The following CSMD1 variants were observed in gnomAD, a reference collection of about 807,000 sequenced individuals.
CSMD1 encodes CUB and sushi domain-containing protein 1.
CSMD1 carries 213 observed loss-of-function variants against 417.5 expected under a neutral mutation model. The observed-to-expected ratio is 0.51, with a 90% CI of 0.46 to 0.57. The LOEUF is 0.57. Ranked by LOEUF, CSMD1 falls within the 20% of genes least tolerant of loss-of-function variation. The pLI is 0.00. For synonymous variants in CSMD1, 2,862 were observed against 1,736.8 expected, an observed-to-expected ratio of 1.65 and a Z score of -16.11; for missense variants, 6,923 against 4,529.7, an observed-to-expected ratio of 1.53 and a Z score of -15.17.
At chr8:3,088,978 A>G (rs949734458) in intron 48 of CSMD1, among the ~76,000 whole-genome samples, 17 of 152,206 alleles carry the variant, frequency 1.1e-4, no homozygotes, top group Admixed American at 7.2e-4. Context: ...ACAGATTCCA[A>G]TAAGGCTCCG....
At chr8:3,802,453 G>C (rs1358037270) in intron 5 of CSMD1, among the ~76,000 whole-genome samples, 14 of 152,026 alleles carry the variant, frequency 9.2e-5, no homozygotes, top group Admixed American at 9.2e-4. Flanking sequence ...TATTAAATTT[G>C]TCAGCCTGAT....
At chr8:4,117,695 C>T (rs1434746929) in intron 3 of CSMD1, among the ~76,000 whole-genome samples, 2 of 152,146 alleles carry the variant, frequency 1.3e-5, no homozygotes, top group African/African-American at 4.8e-5. Context: ...CACTGGCCTT[C>T]TCTAGTCAGT....
chr8:4,175,338 A>T (rs1797983231), intron 3 of CSMD1, among the ~76,000 whole-genome samples: 1 of 152,096 alleles, frequency 6.6e-6, no homozygotes, highest in Non-Finnish European at 1.5e-5. Flanking sequence ...TATCTTCGTC[A>T]CTTTTTTCTA....
chr8:3,122,131 TGAGATGTAATCTTTATAA>T (rs1817247735), intron 41 of CSMD1, among the ~76,000 whole-genome samples: 1 of 152,282 alleles, frequency 6.6e-6, no homozygotes, highest in African/African-American at 2.4e-5. Context: ...TGCTATCTTT[TGAGATGTAATCTTTATAA>T]CTCAATATTT....
intron 1 of CSMD1, among the ~76,000 whole-genome samples, chr8:4,739,783 G>A (rs966686457): frequency 2.6e-5 from 4 of 152,164 alleles, no homozygotes; most frequent in South Asian, 2.1e-4. Context: ...TCTCTTTGGA[G>A]TCCTTTTTCT....
At chr8:3,790,646 T>C (rs1380731344) in intron 5 of CSMD1, among the ~76,000 whole-genome samples, 1 of 152,146 alleles carries the variant, frequency 6.6e-6, no homozygotes, top group South Asian at 2.1e-4. Context: ...AAAGAGATAA[T>C]AGCTGGGATT....
intron 49 of CSMD1, among the ~76,000 whole-genome samples, chr8:3,061,195 A>G (rs1812567377): frequency 6.6e-6 from 1 of 152,180 alleles, no homozygotes; most frequent in Admixed American, 6.6e-5. Flanking sequence ...CCTCACCTGC[A>G]AAACACAAAT....
intron 3 of CSMD1, among the ~76,000 whole-genome samples, chr8:4,369,491 ATC>A (rs1372110793): frequency 3.3e-5 from 5 of 152,078 alleles, no homozygotes; most frequent in East Asian, 1.9e-4. Flanking sequence ...AGTTCAAAAT[ATC>A]TGTTAGTTTT....
At chr8:4,003,744 C>A (rs931372312) in intron 4 of CSMD1, among the ~76,000 whole-genome samples, 1 of 152,168 alleles carries the variant, frequency 6.6e-6, no homozygotes. Flanking sequence ...GCGAGTGACA[C>A]TGAGAGGGCT....
chr8:3,308,492 C>A lies in CSMD1; in HGVS notation c.3643G>T (p.Val1215Leu), dbSNP rs73657807. The change falls in exon 24 of 70, where the codon GTA (valine) becomes TTA (leucine). Residue 1215 changes from valine to leucine, a missense_variant. Val to Leu is a conservative substitution (Grantham distance 32). Coordinates refer to ENST00000635120, the MANE Select transcript of CSMD1 (RefSeq NM_033225.6). ...GGGATGCCCGGATCCTCACATTTTACCAGATCAAAACCTGCAAGAGAGAAA... is the reference window on the plus strand; with the variant it reads ...GGGATGCCCGGATCCTCACATTTTAACAGATCAAAACCTGCAAGAGAGAAA... Reference protein sequence around the residue: ...FQLTYTSFDLVKCEDPGIPNY... With the variant: ...FQLTYTSFDLLKCEDPGIPNY... 6.9e-4 allele frequency: 1,107 copies of A among 1,611,704 alleles called. 5 individuals are homozygous for A. In the African/African-American group the frequency reaches 0.013, roughly 18 times the overall value.
chr8:3,918,156 G>C (rs1171781331), intron 5 of CSMD1, among the ~76,000 whole-genome samples: 1 of 152,022 alleles, frequency 6.6e-6, no homozygotes, highest in Non-Finnish European at 1.5e-5. Context: ...CAGTAAACAT[G>C]GGAGTGAAAG....
chr8:4,640,849 C>G (rs1482014217), intron 1 of CSMD1, among the ~76,000 whole-genome samples: 1 of 123,026 alleles, frequency 8.1e-6, no homozygotes, highest in South Asian at 3.0e-4. Flanking sequence ...GGGATTGAAA[C>G]CTTAATTATT....
intron 4 of CSMD1, among the ~76,000 whole-genome samples, chr8:3,998,871 T>G (rs1431223184): frequency 1.3e-5 from 2 of 149,948 alleles, no homozygotes; most frequent in Non-Finnish European, 3.0e-5. Context: ...CTATATATAG[T>G]TGATATATAT....
At chr8:4,448,222 T>G (rs558467445) in intron 2 of CSMD1, among the ~76,000 whole-genome samples, 1 of 152,346 alleles carries the variant, frequency 6.6e-6, no homozygotes, top group Admixed American at 6.5e-5. Context: ...ATATTTTTCA[T>G]CTTTATTCAG....
chr8:3,734,289 T>C (rs1336299544), intron 6 of CSMD1, among the ~76,000 whole-genome samples: 2 of 152,208 alleles, frequency 1.3e-5, no homozygotes, highest in African/African-American at 2.4e-5. Context: ...CCCTAGTGCT[T>C]CCAGGCGGGG....
intron 52 of CSMD1, among the ~76,000 whole-genome samples, chr8:3,005,466 C>T (rs1273855802): frequency 6.6e-6 from 1 of 151,882 alleles, no homozygotes; most frequent in Non-Finnish European, 1.5e-5. Flanking sequence ...AGAAACACAA[C>T]CAAAAAAGAG....
chr8:4,129,513 G>A (rs1052304469), intron 3 of CSMD1, among the ~76,000 whole-genome samples: 1 of 152,130 alleles, frequency 6.6e-6, no homozygotes, highest in East Asian at 1.9e-4. Flanking sequence ...ATGACATTTT[G>A]CCAGGGCATA....
At chr8:4,545,140 G>T (rs1797574305) in intron 2 of CSMD1, among the ~76,000 whole-genome samples, 1 of 152,198 alleles carries the variant, frequency 6.6e-6, no homozygotes, top group Admixed American at 6.5e-5. Flanking sequence ...AGGTTTTAAA[G>T]TGAAACAGAC....
At position 4,767,152 on chromosome 8, in the gene CSMD1, T is replaced by A. The variant is rs192450781; in HGVS notation, c.86-129594A>T. On this transcript the variant is annotated intron_variant, in intron 1 of 69. Coordinates refer to ENST00000635120, the MANE Select transcript of CSMD1 (RefSeq NM_033225.6). ...AGCGATGCAGTGGGTTAATAACAGT[T>A]TGGACATACCATGTTAATGAACACT... Among the ~76,000 whole-genome samples the A allele has an allele frequency of 3.9e-4, 59 of 152,308 alleles. 1 individual carries two copies. The highest frequency in any genetic ancestry group is 6.5e-4 in the Admixed American group (10 of 15,292).
Sources: allele counts gnomAD v4.1 joint callset (sites outside exome capture counted in the v4.1 genomes callset), GRCh38; gene constraint gnomAD v4.1.1; transcripts MANE v1.5; gene names NCBI Gene and HGNC (gene_info 2026-07-23, HGNC 2026-07-21).